CD8B: variants seen among roughly 807,000 people sequenced by gnomAD.
The protein encoded by CD8B is CD8 subunit beta.
A neutral mutation model predicts 24.2 loss-of-function variants in CD8B; 6 were observed. The observed-to-expected ratio is 0.25, with a 90% CI of 0.14 to 0.49. The LOEUF (loss-of-function observed/expected upper bound fraction) is 0.49. CD8B is among the 20% of genes least tolerant of loss of function. The probability of loss-of-function intolerance (pLI) is 0.98; values close to 1 mark genes in which losing one functional copy is unlikely to be tolerated. For missense variants in CD8B, 196 were observed against 271.3 expected (o/e 0.72, Z 1.95); for synonymous variants, 84 against 108.3 (o/e 0.78, Z 1.39).
chr2:86,845,984 C>T (rs888829222), intron 4 of CD8B, among the ~76,000 whole-genome samples: 1 of 152,160 alleles, frequency 6.6e-6, no homozygotes, highest in African/African-American at 2.4e-5. Context: ...TTCATAGATG[C>T]GCAGAGAGGG....
chr2:86,825,941 A>G (rs2104505195), intron 5 of CD8B, among the ~76,000 whole-genome samples: 1 of 151,814 alleles, frequency 6.6e-6, no homozygotes, highest in Non-Finnish European at 1.5e-5. Flanking sequence ...GGACATGAAC[A>G]GGAGCTCCTA....
chr2:86,847,926 T>C (rs947646413), intron 3 of CD8B, among the ~76,000 whole-genome samples: 4 of 152,356 alleles, frequency 2.6e-5, no homozygotes, highest in African/African-American at 7.2e-5. Context: ...ATTGTTCTTT[T>C]GTACCTTTAT....
chr2:86,839,312 G>A lies in CD8B; in HGVS notation c.*2995C>T, dbSNP rs774732939. ...GACCAGTCCCTTTTGATGGACATTT[G>A]GATTATTTCCCATTTTTAGCTAGTA... On this transcript the variant is annotated 3_prime_UTR_variant, in exon 6 of 6. Coordinates refer to ENST00000390655, the MANE Select transcript of CD8B (RefSeq NM_004931.5). 1.3e-3 allele frequency among the ~76,000 whole-genome samples: 192 copies of A among 152,190 alleles called. 3 individuals are homozygous for A. The highest frequency in any genetic ancestry group is 4.4e-4 in the Non-Finnish European group (30 of 68,022).
intron 5 of CD8B, among the ~76,000 whole-genome samples, chr2:86,832,688 T>A (rs566116317): frequency 2.6e-5 from 4 of 152,130 alleles, no homozygotes; most frequent in African/African-American, 9.6e-5. Context: ...CTGTGTGGGT[T>A]GAGCTTTGTA....
At chr2:86,850,499 T>C (rs1675921307) in intron 3 of CD8B, among the ~76,000 whole-genome samples, 1 of 152,138 alleles carries the variant, frequency 6.6e-6, no homozygotes, top group African/African-American at 2.4e-5. Flanking sequence ...CATTTAGCCC[T>C]GCATCCCCCA....
chr2:86,822,465 A>G, intron 5 of CD8B: 1 of 752,092 alleles, frequency 1.3e-6, no homozygotes, highest in Non-Finnish European at 2.3e-6. Flanking sequence ...AACAATGATA[A>G]TGCATTCAAT....
At chr2:86,823,644 A>G (rs568019273) in intron 5 of CD8B, among the ~76,000 whole-genome samples, 1 of 152,170 alleles carries the variant, frequency 6.6e-6, no homozygotes, top group Non-Finnish European at 1.5e-5. Context: ...TTCATTGTAA[A>G]CATAATGTTC....
intron 4 of CD8B, 102 bp from the exon 5 acceptor site, chr2:86,845,060 GC>G: frequency 6.6e-7 from 1 of 1,504,464 alleles, no homozygotes; most frequent in Non-Finnish European, 8.9e-7. Flanking sequence ...TGACACCTCA[GC>G]CCACCTCCCT....
intron 1 of CD8B, among the ~76,000 whole-genome samples, chr2:86,861,522 C>A (rs1676590179): frequency 6.6e-6 from 1 of 152,228 alleles, no homozygotes; most frequent in African/African-American, 2.4e-5. Context: ...CCTCCAGCGA[C>A]CCTCTCTTTC....
At chr2:86,854,710 T>A (rs1202880342) in intron 2 of CD8B, among the ~76,000 whole-genome samples, 2 of 151,660 alleles carry the variant, frequency 1.3e-5, no homozygotes, top group African/African-American at 4.8e-5. Context: ...CCTTTGTGGG[T>A]TAAGGAAACA....
chr2:86,817,464 C>T (rs1357068237), intron 5 of CD8B, among the ~76,000 whole-genome samples: 3 of 151,940 alleles, frequency 2.0e-5, no homozygotes, highest in Admixed American at 6.6e-5. Flanking sequence ...GAACTAGATC[C>T]ACAGGCATCA....
chr2:86,841,862 G>A lies in CD8B; in HGVS notation c.*445C>T, dbSNP rs1313183213. ...CTGCACCTGGCCTCTCTGCGAGGAA[G>A]GTCAGCCCCAGCCTGGGAAGACCAA... On this transcript the variant is annotated 3_prime_UTR_variant, in exon 6 of 6. Transcript: ENST00000390655. 2.0e-6 allele frequency: 2 copies of A among 986,620 alleles called. No homozygotes were observed. Among genetic ancestry groups the A allele is most frequent in the Non-Finnish European group, 2.4e-6 (2 of 830,850 alleles). The allele number at this position is 986,620 out of a possible 1,614,324, so 61.1% of individuals were successfully genotyped here. A position where few individuals can be genotyped will look rare whatever the true frequency, so the allele number is the denominator to read the frequency against.
intron 3 of CD8B, among the ~76,000 whole-genome samples, chr2:86,847,270 T>C (rs1416634729): frequency 3.3e-5 from 5 of 152,112 alleles, no homozygotes. Context: ...TTAAACATTA[T>C]TGAAATCATT....
intron 2 of CD8B, among the ~76,000 whole-genome samples, chr2:86,855,660 A>G (rs1676199338): frequency 6.6e-6 from 1 of 152,236 alleles, no homozygotes; most frequent in Admixed American, 6.5e-5. Context: ...TGTCATCAGC[A>G]GGGTCGGAGA....
At chr2:86,861,207 C>G (rs1676568088) in intron 1 of CD8B, among the ~76,000 whole-genome samples, 1 of 152,068 alleles carries the variant, frequency 6.6e-6, no homozygotes, top group African/African-American at 2.4e-5. Flanking sequence ...TCTGGCTGGG[C>G]TTATTCAGAA....
downstream of CD8B, among the ~76,000 whole-genome samples, chr2:86,837,201 C>A (rs1675210985): frequency 6.6e-6 from 1 of 152,144 alleles, no homozygotes; most frequent in African/African-American, 2.4e-5. Context: ...GGTTTCCTTT[C>A]AAATTTAGAA....
rs570453671 is a variant in CD8B at position 86,857,970 on chromosome 2, G to A, written c.403+87C>T. The A allele has an allele frequency of 2.9e-6, 4 of 1,364,894 alleles. No homozygotes were observed. The South Asian group carries it at 5.1e-5, about 17-fold the overall frequency. The allele number at this position is 1,364,894 out of a possible 1,614,324, so 84.5% of individuals were successfully genotyped here. On this transcript the variant is annotated intron_variant, in intron 2 of 5. Transcript: ENST00000390655. ...GCCATTAGTCACGGCTGCAGAGTGGGGCACACTGAAGCCTGGTGGTCCCAG... is the reference window on the plus strand; with the variant it reads ...GCCATTAGTCACGGCTGCAGAGTGGAGCACACTGAAGCCTGGTGGTCCCAG...
At chr2:86,851,147 T>C (rs1675955909) in intron 3 of CD8B, among the ~76,000 whole-genome samples, 1 of 152,022 alleles carries the variant, frequency 6.6e-6, no homozygotes, top group African/African-American at 2.4e-5. Flanking sequence ...TGAAGACCTT[T>C]GTTTTTGCCA....
At chr2:86,827,590 C>T (rs1674742052) in intron 5 of CD8B, among the ~76,000 whole-genome samples, 2 of 150,586 alleles carry the variant, frequency 1.3e-5, no homozygotes, top group Non-Finnish European at 2.9e-5. Context: ...CCACTGCACT[C>T]CAGCCTGGGT....
Sources: gnomAD v4.1 joint callset for allele counts (sites outside exome capture counted in the v4.1 genomes callset) on GRCh38, gnomAD v4.1.1 for gene constraint, MANE v1.5 for transcripts, NCBI Gene and HGNC (gene_info 2026-07-23, HGNC 2026-07-21) for gene names.